The following SPOCK1 variants were observed in gnomAD, a reference collection of about 807,000 sequenced individuals.
The protein encoded by SPOCK1 is SPARC (osteonectin), cwcv and kazal like domains proteoglycan 1, also known as testican-1.
A neutral mutation model predicts 55.3 loss-of-function variants in SPOCK1; 23 were observed. That is an observed-to-expected ratio of 0.42 (90% CI 0.30 to 0.59). The LOEUF (loss-of-function observed/expected upper bound fraction) is 0.59. Among genes scored for constraint, SPOCK1 ranks in the 20% least tolerant of loss-of-function variants. The probability of loss-of-function intolerance (pLI) is 0.22; values close to 1 mark genes in which losing one functional copy is unlikely to be tolerated. For synonymous variants in SPOCK1, 226 were observed against 221.0 expected (o/e 1.02, Z -0.20); for missense variants, 499 against 552.5 (o/e 0.90, Z 0.97).
chr5:137,095,079 C>A (rs1308954371), intron 5 of SPOCK1, among the ~76,000 whole-genome samples: 1 of 152,134 alleles, frequency 6.6e-6, no homozygotes, highest in African/African-American at 2.4e-5. Context: ...GTTAGTGGAG[C>A]AGTCAGAACA....
At chr5:137,139,865 C>A (rs1181090825) in intron 4 of SPOCK1, among the ~76,000 whole-genome samples, 1 of 152,134 alleles carries the variant, frequency 6.6e-6, no homozygotes, top group Non-Finnish European at 1.5e-5. Context: ...TTTGCAGGAC[C>A]AAAGGCAGAA....
intron 2 of SPOCK1, chr5:137,365,479 T>G (rs866246305): frequency 2.6e-5 from 4 of 152,210 alleles, no homozygotes; most frequent in African/African-American, 9.6e-5. Context: ...TCTCTTTAAA[T>G]AGAGGACTCT....
At chr5:137,070,802 C>T (rs1016811705) in intron 5 of SPOCK1, among the ~76,000 whole-genome samples, 22 of 152,116 alleles carry the variant, frequency 1.4e-4, no homozygotes, top group Admixed American at 3.9e-4. Flanking sequence ...TCCACTTTCT[C>T]GGCTGGCCTG....
intron 2 of SPOCK1, among the ~76,000 whole-genome samples, chr5:137,316,257 A>G (rs1561502461): frequency 6.6e-6 from 1 of 152,234 alleles, no homozygotes; most frequent in Non-Finnish European, 1.5e-5. Context: ...CATGCCCTCA[A>G]ATCATCTCTC....
chr5:137,150,047 T>C (rs1359156206), intron 3 of SPOCK1, among the ~76,000 whole-genome samples: 2 of 152,166 alleles, frequency 1.3e-5, no homozygotes, highest in East Asian at 1.9e-4. Flanking sequence ...TCTTTTTAGC[T>C]TGCTCCTAAA....
intron 3 of SPOCK1, among the ~76,000 whole-genome samples, chr5:137,190,846 T>C (rs889154073): frequency 7.8e-4 from 119 of 152,312 alleles, no homozygotes; most frequent in African/African-American, 2.3e-3. Flanking sequence ...GAGGTCAAGA[T>C]GGAGCAGGGC....
intron 5 of SPOCK1, among the ~76,000 whole-genome samples, chr5:137,093,224 TC>T (rs1753079862): frequency 6.6e-6 from 1 of 152,146 alleles, no homozygotes; most frequent in Admixed American, 6.5e-5. Flanking sequence ...ACCATCATGA[TC>T]CTGTGCTCTC....
intron 2 of SPOCK1, among the ~76,000 whole-genome samples, chr5:137,418,127 C>A (rs1257086971): frequency 6.6e-6 from 1 of 152,204 alleles, no homozygotes; most frequent in Non-Finnish European, 1.5e-5. Context: ...CTACAAAGGA[C>A]ATGAACTCAT....
At chr5:137,272,065 T>C (rs945985246) in intron 2 of SPOCK1, among the ~76,000 whole-genome samples, 5 of 152,192 alleles carry the variant, frequency 3.3e-5, no homozygotes, top group East Asian at 1.9e-4. Context: ...TGTGGGCTGA[T>C]TGCAGATACA....
At chr5:137,349,144 G>T (rs1750624536) in intron 2 of SPOCK1, among the ~76,000 whole-genome samples, 1 of 152,192 alleles carries the variant, frequency 6.6e-6, no homozygotes, top group Non-Finnish European at 1.5e-5. Context: ...CATACATGTG[G>T]CTCTCAATAG....
At position 136,976,513 on chromosome 5, in the gene SPOCK1, T is replaced by C. The variant is rs983785723; in HGVS notation, c.*2141A>G. On this transcript the variant is annotated 3_prime_UTR_variant, in exon 11 of 11. Coordinates refer to ENST00000394945, the MANE Select transcript of SPOCK1 (RefSeq NM_004598.4). Reference sequence around the variant, plus strand: ...AATTTTTCAATTTTAATTTGTTCTCTTGTACATTTTCCTAAGCTCAAAGGA... The same window carrying C: ...AATTTTTCAATTTTAATTTGTTCTCCTGTACATTTTCCTAAGCTCAAAGGA... 7 of 152,668 alleles carry C rather than the reference T, an allele frequency of 4.6e-5. No individual in the cohort carries two copies. The highest frequency in any genetic ancestry group is 1.7e-4 in the African/African-American group (7 of 41,462). The allele number at this position is 152,668 out of a possible 1,614,324, so 9.5% of individuals were successfully genotyped here.
At chr5:137,084,370 A>G (rs2127015640) in intron 5 of SPOCK1, among the ~76,000 whole-genome samples, 1 of 152,056 alleles carries the variant, frequency 6.6e-6, no homozygotes. Context: ...AGGGCAGTGC[A>G]CTGCCTATAA....
At chr5:137,455,429 C>T (rs530273324) in intron 2 of SPOCK1, among the ~76,000 whole-genome samples, 1 of 152,092 alleles carries the variant, frequency 6.6e-6, no homozygotes, top group Admixed American at 6.6e-5. Context: ...CTCAGAATAT[C>T]GAGCATGTCT....
At chr5:137,369,324 T>A (rs1287150130) in intron 2 of SPOCK1, among the ~76,000 whole-genome samples, 4 of 152,334 alleles carry the variant, frequency 2.6e-5, no homozygotes, top group African/African-American at 7.2e-5. Flanking sequence ...TTGGTTTCCA[T>A]CCCGGGCTGT....
At chr5:137,042,481 C>T (rs1488707001) in intron 6 of SPOCK1, among the ~76,000 whole-genome samples, 1 of 151,952 alleles carries the variant, frequency 6.6e-6, no homozygotes, top group African/African-American at 2.4e-5. Context: ...TTTAGGAGGC[C>T]AGGGGATCCT....
At chr5:137,277,706 CTAAG>C (rs1757094205) in intron 2 of SPOCK1, among the ~76,000 whole-genome samples, 1 of 152,166 alleles carries the variant, frequency 6.6e-6, no homozygotes, top group African/African-American at 2.4e-5. Context: ...CACAAGGTCT[CTAAG>C]TAAGTGGACA....
chr5:137,464,657 C>A (rs561578376), intron 2 of SPOCK1, among the ~76,000 whole-genome samples: 3 of 152,120 alleles, frequency 2.0e-5, no homozygotes, highest in African/African-American at 7.2e-5. Flanking sequence ...CAATGCCACT[C>A]ACCACAATGA....
intron 6 of SPOCK1, among the ~76,000 whole-genome samples, chr5:137,008,712 A>G (rs1400675162): frequency 3.3e-5 from 5 of 152,180 alleles, no homozygotes. Context: ...GCAAAGTACA[A>G]CAAGTTTACT....
chr5:137,292,210 TAG>T (rs773322750), intron 2 of SPOCK1, among the ~76,000 whole-genome samples: 1 of 151,896 alleles, frequency 6.6e-6, no homozygotes, highest in Non-Finnish European at 1.5e-5. Context: ...CCTAACACAG[TAG>T]AGGTCTCTGG....
Sources: gnomAD v4.1 joint callset for allele counts (sites outside exome capture counted in the v4.1 genomes callset) on GRCh38, gnomAD v4.1.1 for gene constraint, MANE v1.5 for transcripts, NCBI Gene and HGNC (gene_info 2026-07-23, HGNC 2026-07-21) for gene names.